NR6A1: variants seen among roughly 807,000 people sequenced by gnomAD.
NR6A1 encodes the protein retinoic acid receptor-related testis-associated receptor.
Under a neutral mutation model 59.1 loss-of-function variants are expected in NR6A1, and 7 were observed. The ratio of observed to expected loss-of-function variants is 0.12; its 90% CI spans 0.07 to 0.22. The LOEUF is 0.22. NR6A1 is among the 10% of genes least tolerant of loss of function. NR6A1 has a pLI of 1.00. For synonymous variants in NR6A1, 243 were observed against 236.1 expected (o/e 1.03, Z -0.27); for missense variants, 468 against 611.6 (o/e 0.77, Z 2.48).
intron 2 of NR6A1, among the ~76,000 whole-genome samples, chr9:124,690,664 T>G (rs1378152598): frequency 6.6e-6 from 1 of 152,096 alleles, no homozygotes; most frequent in Non-Finnish European, 1.5e-5. Flanking sequence ...CCTCCGAAAG[T>G]GCTGGGATTA....
At chr9:124,755,090 C>G (rs1449416445) in intron 1 of NR6A1, among the ~76,000 whole-genome samples, 1 of 152,160 alleles carries the variant, frequency 6.6e-6, no homozygotes, top group East Asian at 1.9e-4. Flanking sequence ...AACCCCTGCC[C>G]TCCCACTGCT....
At chr9:124,585,733 T>C (rs1834912646) in intron 2 of NR6A1, among the ~76,000 whole-genome samples, 1 of 152,122 alleles carries the variant, frequency 6.6e-6, no homozygotes, top group South Asian at 2.1e-4. Flanking sequence ...GAGAAGTCAA[T>C]GCCTGGCTTC....
intron 9 of NR6A1, among the ~76,000 whole-genome samples, chr9:124,524,329 A>C (rs1832870979): frequency 6.6e-6 from 1 of 152,216 alleles, no homozygotes; most frequent in African/African-American, 2.4e-5. Flanking sequence ...AATTTTAAAA[A>C]TTGAGATATA....
chr9:124,710,926 C>G (rs759873681), intron 2 of NR6A1, among the ~76,000 whole-genome samples: 30 of 152,032 alleles, frequency 2.0e-4, no homozygotes, highest in Non-Finnish European at 8.8e-5. Flanking sequence ...TCATCATTTT[C>G]AAGTTAGTTT....
intron 2 of NR6A1, among the ~76,000 whole-genome samples, chr9:124,609,058 C>T (rs980921304): frequency 2.0e-5 from 3 of 151,946 alleles, no homozygotes; most frequent in African/African-American, 4.8e-5. Context: ...AGATGGATTG[C>T]GAAAATTTTC....
At chr9:124,592,034 T>C (rs1254260525) in intron 2 of NR6A1, among the ~76,000 whole-genome samples, 2 of 152,144 alleles carry the variant, frequency 1.3e-5, no homozygotes, top group Non-Finnish European at 2.9e-5. Flanking sequence ...AAAAAACGAA[T>C]GATGTGAAAA....
At chr9:124,625,712 T>A (rs887296784) in intron 2 of NR6A1, among the ~76,000 whole-genome samples, 1 of 152,112 alleles carries the variant, frequency 6.6e-6, no homozygotes, top group Non-Finnish European at 1.5e-5. Flanking sequence ...ATATTCTGGG[T>A]GTGTCTGGGG....
chr9:124,673,303 A>C lies in NR6A1; in HGVS notation c.142+60005T>G, dbSNP rs538933611. 1.1e-3 allele frequency among the ~76,000 whole-genome samples: 175 copies of C among 152,216 alleles called. 1 individual carries two copies. The highest frequency in any genetic ancestry group is 3.8e-3 in the African/African-American group (159 of 41,526). On this transcript the variant is annotated intron_variant, in intron 2 of 9. Transcript: ENST00000487099. ...TGATTATACCACTGCACACCAGCTG[A>C]GTGACAAGAAAAAGTTAACCACAAC...
intron 8 of NR6A1, among the ~76,000 whole-genome samples, chr9:124,525,080 A>G (rs1832895186): frequency 6.6e-6 from 1 of 152,208 alleles, no homozygotes; most frequent in Non-Finnish European, 1.5e-5. Flanking sequence ...TACAGAGGAC[A>G]GTAAGCAGAC....
intron 2 of NR6A1, among the ~76,000 whole-genome samples, chr9:124,601,221 A>G (rs904028112): frequency 3.3e-5 from 5 of 152,060 alleles, no homozygotes; most frequent in Non-Finnish European, 5.9e-5. Flanking sequence ...GGTTGCAGTG[A>G]GCAGAGATCA....
Position 124,554,418 on chromosome 9 carries a change from C to G in NR6A1, c.295G>C (p.Asp99His). The change falls in exon 3 of 10, where the codon GAC becomes CAC. Residue 99 changes from aspartate (D) to histidine (H), a missense_variant. Coordinates refer to ENST00000487099, the MANE Select transcript of NR6A1 (RefSeq NM_033334.4). ...TTCCGAGACATGACACAGTTCTTGT[C>G]ACGACTGCATCGATATACCCGTTTG... ...CNKRVYRCSR[D>H]KNCVMSRKQR... is the part of the protein sequence containing the mutation. The G allele has an allele frequency of 1.2e-6, 2 of 1,614,156 alleles. No individual in the cohort carries two copies. The highest frequency in any genetic ancestry group is 1.7e-6 in the Non-Finnish European group (2 of 1,180,022).
chr9:124,679,376 T>C (rs775946359), intron 2 of NR6A1, among the ~76,000 whole-genome samples: 3 of 152,172 alleles, frequency 2.0e-5, no homozygotes, highest in Non-Finnish European at 4.4e-5. Context: ...TTAAAACGAC[T>C]AGCAAGCTAG....
intron 2 of NR6A1, among the ~76,000 whole-genome samples, chr9:124,593,305 G>A (rs564276526): frequency 1.3e-5 from 2 of 152,178 alleles, no homozygotes; most frequent in Admixed American, 6.5e-5. Context: ...GAGGGATTTC[G>A]CACATGTGTT....
At chr9:124,656,351 A>G (rs1371745788) in intron 2 of NR6A1, among the ~76,000 whole-genome samples, 1 of 152,184 alleles carries the variant, frequency 6.6e-6, no homozygotes, top group Non-Finnish European at 1.5e-5. Flanking sequence ...CAGCAACACT[A>G]AAGGGACTAA....
At chr9:124,702,383 C>T (rs1212520728) in intron 2 of NR6A1, among the ~76,000 whole-genome samples, 2 of 152,134 alleles carry the variant, frequency 1.3e-5, no homozygotes, top group Non-Finnish European at 2.9e-5. Flanking sequence ...CACTGAATTG[C>T]CTTGGTATCT....
chr9:124,540,277 T>A, intron 4 of NR6A1, 90 bp from the exon 5 acceptor site: 1 of 1,401,726 alleles, frequency 7.1e-7, no homozygotes. Flanking sequence ...CTCATAGGAT[T>A]TCCCAGAAAC....
At chr9:124,553,998 A>C (rs960105750) in intron 3 of NR6A1, among the ~76,000 whole-genome samples, 5 of 152,194 alleles carry the variant, frequency 3.3e-5, no homozygotes, top group Non-Finnish European at 7.4e-5. Flanking sequence ...CTCCTACCTC[A>C]TGCCTTTTCA....
chr9:124,740,093 G>C (rs1253411979), intron 1 of NR6A1, among the ~76,000 whole-genome samples: 1 of 152,194 alleles, frequency 6.6e-6, no homozygotes, highest in Admixed American at 6.5e-5. Context: ...CTACCCAACA[G>C]TGTATACTCC....
chr9:124,589,243 G>A (rs1009029586), intron 2 of NR6A1, among the ~76,000 whole-genome samples: 1 of 152,098 alleles, frequency 6.6e-6, no homozygotes, highest in Admixed American at 6.5e-5. Context: ...TCAGGAGATC[G>A]AGACCATTCT....
Sources: gnomAD v4.1 joint callset for allele counts (sites outside exome capture counted in the v4.1 genomes callset) on GRCh38, gnomAD v4.1.1 for gene constraint, MANE v1.5 for transcripts, NCBI Gene and HGNC (gene_info 2026-07-23, HGNC 2026-07-21) for gene names.